FAF1: variants seen among roughly 807,000 people sequenced by gnomAD.
The protein encoded by FAF1 is FAS-associated factor 1.
Under a neutral mutation model 92.5 loss-of-function variants are expected in FAF1, and 25 were observed. The ratio of observed to expected loss-of-function variants is 0.27; its 90% CI spans 0.20 to 0.38. FAF1 has a LOEUF of 0.38. Among genes scored for constraint, FAF1 ranks in the 10% least tolerant of loss-of-function variants. The pLI is 1.00. For missense variants in FAF1, 636 were observed against 793.3 expected, an observed-to-expected ratio of 0.80 and a Z score of 2.38; for synonymous variants, 234 against 273.2, an observed-to-expected ratio of 0.86 and a Z score of 1.42.
At chr1:50,931,891 T>TAAA (rs199744504) in intron 1 of FAF1, among the ~76,000 whole-genome samples, 3 of 79,744 alleles carry the variant, frequency 3.8e-5, no homozygotes, top group Non-Finnish European at 8.1e-5. Context: ...AATAAATAAA[T>TAAA]AATAATAATA....
chr1:50,538,454 A>C (rs1201456056), intron 14 of FAF1, among the ~76,000 whole-genome samples: 2 of 151,162 alleles, frequency 1.3e-5, no homozygotes, highest in African/African-American at 4.9e-5. Flanking sequence ...CTACTATTGC[A>C]GTTTTGTGTT....
At chr1:50,920,851 A>G (rs1390473126) in intron 1 of FAF1, among the ~76,000 whole-genome samples, 1 of 152,212 alleles carries the variant, frequency 6.6e-6, no homozygotes, top group Non-Finnish European at 1.5e-5. Flanking sequence ...AGATTAGGAA[A>G]AAGGTAAGAA....
chr1:50,661,053 GA>G (rs1201291257), intron 7 of FAF1, among the ~76,000 whole-genome samples: 7 of 151,814 alleles, frequency 4.6e-5, no homozygotes, highest in East Asian at 3.9e-4. Flanking sequence ...AGAAACAATA[GA>G]AAAAAATATA....
At chr1:50,528,961 T>C (rs1046782477) in intron 15 of FAF1, among the ~76,000 whole-genome samples, 1 of 152,234 alleles carries the variant, frequency 6.6e-6, no homozygotes, top group African/African-American at 2.4e-5. Context: ...GTTCACTTTA[T>C]TAATGCGCTA....
At chr1:50,957,512 C>T (rs1645278617) in intron 1 of FAF1, among the ~76,000 whole-genome samples, 2 of 151,906 alleles carry the variant, frequency 1.3e-5, no homozygotes, top group Non-Finnish European at 2.9e-5. Context: ...CCACCTCGAC[C>T]GGCTAATTTT....
chr1:50,443,057 A>G (rs948114505), intron 18 of FAF1, among the ~76,000 whole-genome samples: 1 of 152,172 alleles, frequency 6.6e-6, no homozygotes, highest in African/African-American at 2.4e-5. Flanking sequence ...TTCTGTCAAC[A>G]AACAGAGCTA....
intron 6 of FAF1, among the ~76,000 whole-genome samples, chr1:50,717,775 G>A (rs1425578986): frequency 6.6e-6 from 1 of 152,160 alleles, no homozygotes; most frequent in Admixed American, 6.5e-5. Flanking sequence ...GCTGAGGTGG[G>A]AGGATGACTT....
At chr1:50,566,968 A>AT in intron 13 of FAF1, 109 bp downstream of exon 13, 1 of 760,808 alleles carries the variant, frequency 1.3e-6, no homozygotes, top group East Asian at 2.7e-5. Context: ...ATGAAATGCA[A>AT]TGGTAGAGAG....
At chr1:50,518,691 C>T (rs1004465442) in intron 15 of FAF1, among the ~76,000 whole-genome samples, 8 of 152,102 alleles carry the variant, frequency 5.3e-5, no homozygotes, top group African/African-American at 1.2e-4. Flanking sequence ...CTGCCCACCT[C>T]GGCCTCCCAC....
In FAF1 at chr1:50,437,320, G is replaced by C. The variant is rs1164625002; in HGVS notation, c.*4120C>G. 1 of 151,808 alleles carries C rather than the reference G, an allele frequency of 6.6e-6. No homozygotes were observed. Among genetic ancestry groups the C allele is most frequent in the African/African-American group, 2.4e-5 (1 of 41,330 alleles). The allele number at this position is 151,808 out of a possible 1,614,324, so 9.4% of individuals were successfully genotyped here. A position where few individuals can be genotyped will look rare whatever the true frequency, so the allele number is the denominator to read the frequency against. On this transcript the variant is annotated 3_prime_UTR_variant, in exon 19 of 19. Coordinates refer to ENST00000396153, the MANE Select transcript of FAF1 (RefSeq NM_007051.3). Reference sequence around the variant, plus strand: ...GATTCTTAAAATTTTTTGATCAATAGGTCCCACTGAGAATCTGATGAATAC... The same window carrying C: ...GATTCTTAAAATTTTTTGATCAATACGTCCCACTGAGAATCTGATGAATAC...
At chr1:50,473,924 T>C (rs1646606003) in intron 18 of FAF1, among the ~76,000 whole-genome samples, 1 of 152,192 alleles carries the variant, frequency 6.6e-6, no homozygotes, top group Admixed American at 6.5e-5. Context: ...TAGATCACAA[T>C]GGAATCACAG....
At chr1:50,577,086 CTCCAGTAATACCAAACTGGTTGTCGTT>C (rs1383459753) in intron 12 of FAF1, among the ~76,000 whole-genome samples, 1 of 152,152 alleles carries the variant, frequency 6.6e-6, no homozygotes, top group Non-Finnish European at 1.5e-5. Context: ...CATTTTTTTG[CTCCAGTAATACCAAACTGGTTGTCGTT>C]TCCTCACTTT....
chr1:50,474,221 C>T (rs1215256545), intron 18 of FAF1, among the ~76,000 whole-genome samples: 3 of 152,168 alleles, frequency 2.0e-5, no homozygotes, highest in East Asian at 1.9e-4. Context: ...TTACAAGGCA[C>T]GCCTTCAAGT....
At chr1:50,855,715 C>G (rs1644385941) in intron 2 of FAF1, among the ~76,000 whole-genome samples, 1 of 151,752 alleles carries the variant, frequency 6.6e-6, no homozygotes, top group Non-Finnish European at 1.5e-5. Context: ...AAAATGTAAA[C>G]AGCAAGATAG....
intron 4 of FAF1, 88 bp downstream of exon 4, chr1:50,787,912 T>G (rs978094217): frequency 2.7e-6 from 3 of 1,105,322 alleles, no homozygotes; most frequent in Non-Finnish European, 4.0e-6. Flanking sequence ...CTTCTTGCAC[T>G]GGTAGTCAAC....
chr1:50,637,561 C>T (rs1265992855), intron 8 of FAF1, among the ~76,000 whole-genome samples: 1 of 151,658 alleles, frequency 6.6e-6, no homozygotes, highest in Non-Finnish European at 1.5e-5. Flanking sequence ...ATGAAAAATG[C>T]TATTGAGATT....
intron 8 of FAF1, among the ~76,000 whole-genome samples, chr1:50,640,023 T>C (rs1654248393): frequency 2.6e-5 from 4 of 151,898 alleles, no homozygotes. Context: ...CCTTTTAAAA[T>C]GTATTATTCA....
At chr1:50,958,571 G>A (rs1645289075) in intron 1 of FAF1, among the ~76,000 whole-genome samples, 1 of 151,876 alleles carries the variant, frequency 6.6e-6, no homozygotes, top group Admixed American at 6.6e-5. Flanking sequence ...CCAGCTACTC[G>A]GGAGGCTGAG....
At chr1:50,748,707 A>G (rs116534888) in intron 4 of FAF1, among the ~76,000 whole-genome samples, 1 of 152,196 alleles carries the variant, frequency 6.6e-6, no homozygotes, top group Non-Finnish European at 1.5e-5. Flanking sequence ...TATCTTTCAT[A>G]TATCTGCTTA....
Sources: allele counts gnomAD v4.1 joint callset (sites outside exome capture counted in the v4.1 genomes callset), GRCh38; gene constraint gnomAD v4.1.1; transcripts MANE v1.5; gene names NCBI Gene and HGNC (gene_info 2026-07-23, HGNC 2026-07-21).